Variants in PREX1 observed in about 807,000 individuals in gnomAD.
The protein encoded by PREX1 is phosphatidylinositol-3,4,5-trisphosphate dependent Rac exchange factor 1, also known as phosphatidylinositol 3,4,5-trisphosphate-dependent Rac exchanger 1 protein.
In PREX1, 41 loss-of-function variants were observed where a neutral mutation model predicts 198.3. The ratio of observed to expected loss-of-function variants is 0.21; its 90% confidence interval spans 0.16 to 0.27. PREX1 has a LOEUF of 0.27. Among genes scored for constraint, PREX1 ranks in the 10% least tolerant of loss-of-function variants. The pLI is 1.00. For synonymous variants in PREX1, 843 were observed against 887.2 expected, an observed-to-expected ratio of 0.95 and a Z score of 0.89; for missense variants, 1,620 against 2,200.7, an observed-to-expected ratio of 0.74 and a Z score of 5.28.
intron 14 of PREX1, among the ~76,000 whole-genome samples, chr20:48,675,767 G>C (rs953043487): frequency 3.3e-5 from 5 of 152,166 alleles, no homozygotes; most frequent in Admixed American, 3.3e-4. Context: ...GGCCGGGCGT[G>C]GTGGCTCACA....
chr20:48,682,335 C>T (rs747304737), intron 10 of PREX1, among the ~76,000 whole-genome samples: 3 of 152,226 alleles, frequency 2.0e-5, no homozygotes, highest in Non-Finnish European at 4.4e-5. Context: ...TCCCCGACCC[C>T]TATCCAATCC....
intron 6 of PREX1, among the ~76,000 whole-genome samples, chr20:48,702,568 C>T (rs750666803): frequency 3.3e-5 from 5 of 152,262 alleles, no homozygotes; most frequent in Non-Finnish European, 1.5e-5. Context: ...GGCACATCCT[C>T]GAAAGAAAAT....
intron 1 of PREX1, among the ~76,000 whole-genome samples, chr20:48,759,565 A>AAAAAAAAAAAG: frequency 6.8e-6 from 1 of 146,646 alleles, no homozygotes; most frequent in Non-Finnish European, 1.5e-5. Context: ...AAAAAAAAAA[A>AAAAAAAAAAAG]AAAGAAAAGA....
Position 48,691,310 on chromosome 20 carries a change from A to G in PREX1, c.1037-214T>C, listed in dbSNP as rs565140125. Among the ~76,000 whole-genome samples, 5 of 152,262 alleles carry G rather than the reference A, an allele frequency of 3.3e-5. No homozygotes were observed. In the South Asian group the frequency reaches 8.3e-4, roughly 25 times the overall value. Reference sequence around the variant, plus strand: ...AACAAAGACCCCTCTCAACCACTCAATGACAGGGGGCTTCATTTTAAGACC... The same window carrying G: ...AACAAAGACCCCTCTCAACCACTCAGTGACAGGGGGCTTCATTTTAAGACC... On this transcript the variant is annotated intron_variant, in intron 8 of 39. Coordinates refer to ENST00000371941, the MANE Select transcript of PREX1 (RefSeq NM_020820.4). The surrounding 1 kb of genome is among the most constrained non-coding windows in gnomAD (Gnocchi z 5.0).
At chr20:48,660,155 A>T (rs1325969935) in intron 15 of PREX1, 94 bp from the exon 16 acceptor site, 3 of 1,500,060 alleles carry the variant, frequency 2.0e-6, no homozygotes, top group Non-Finnish European at 2.8e-6. Flanking sequence ...GAACTAGGCC[A>T]TGGACACGTT....
the PREX1 span, among the ~76,000 whole-genome samples, chr20:48,878,634 G>T: frequency 6.6e-6 from 1 of 152,064 alleles, no homozygotes; most frequent in Non-Finnish European, 1.5e-5. Context: ...CACCGCGCCC[G>T]GCCACATTCC....
chr20:48,632,243 A>C (rs2089320207), intron 35 of PREX1, 34 bp downstream of exon 35: 1 of 1,603,150 alleles, frequency 6.2e-7, no homozygotes, highest in East Asian at 2.2e-5. Context: ...AGGTTTCCTG[A>C]CTCCTGCCCC....
At chr20:48,820,152 A>G (rs900766139) in intron 1 of PREX1, among the ~76,000 whole-genome samples, 1 of 152,230 alleles carries the variant, frequency 6.6e-6, no homozygotes, top group Non-Finnish European at 1.5e-5. Flanking sequence ...ACAAAAGAAG[A>G]GCAGACAGAT....
chr20:48,780,049 G>A (rs188992546), intron 1 of PREX1, among the ~76,000 whole-genome samples: 20 of 152,260 alleles, frequency 1.3e-4, no homozygotes, highest in Non-Finnish European at 2.4e-4. Flanking sequence ...ATTTCACACT[G>A]GGTATCAGTA....
At chr20:48,864,605 G>T in the PREX1 span, among the ~76,000 whole-genome samples, 1 of 152,186 alleles carries the variant, frequency 6.6e-6, no homozygotes, top group Non-Finnish European at 1.5e-5. Flanking sequence ...AGTCAGGGGA[G>T]CAAGATTTAA....
chr20:48,747,681 C>A, intron 2 of PREX1, 128 bp downstream of exon 2: 1 of 1,053,078 alleles, frequency 9.5e-7, no homozygotes, highest in Non-Finnish European at 1.4e-6. Flanking sequence ...CAGGGCAAAG[C>A]TGGCGGCCAG....
At chr20:48,710,404 C>A (rs916619123) in intron 5 of PREX1, among the ~76,000 whole-genome samples, 1 of 152,154 alleles carries the variant, frequency 6.6e-6, no homozygotes, top group Non-Finnish European at 1.5e-5. Flanking sequence ...TTACTACTAC[C>A]AACAGTAACA....
chr20:48,696,632 CATACAT>C (rs879691930), intron 7 of PREX1, among the ~76,000 whole-genome samples: 307 of 151,590 alleles, frequency 2.0e-3, no homozygotes, highest in Middle Eastern at 6.8e-3. Flanking sequence ...TACATACATA[CATACAT>C]ACACACATAC....
chr20:48,644,999 G>A (rs916314873), intron 26 of PREX1, among the ~76,000 whole-genome samples: 1 of 152,198 alleles, frequency 6.6e-6, no homozygotes, highest in African/African-American at 2.4e-5. Context: ...AAAAACTGGA[G>A]GACCCAAAAA....
At chr20:48,704,442 G>A (rs2089892235) in intron 6 of PREX1, among the ~76,000 whole-genome samples, 3 of 152,192 alleles carry the variant, frequency 2.0e-5, no homozygotes, top group African/African-American at 7.2e-5. Flanking sequence ...TTGTGGGTGA[G>A]GGCGAGTGAG....
intron 6 of PREX1, among the ~76,000 whole-genome samples, chr20:48,705,950 G>A (rs2089900941): frequency 6.6e-6 from 1 of 152,198 alleles, no homozygotes; most frequent in Admixed American, 6.5e-5. Flanking sequence ...ACAGGGCTGG[G>A]CCTCAAAACC....
At chr20:48,845,961 T>C in the PREX1 span, among the ~76,000 whole-genome samples, 1 of 152,150 alleles carries the variant, frequency 6.6e-6, no homozygotes, top group Admixed American at 6.6e-5. Flanking sequence ...GGCTATTGCA[T>C]GGACGATGGC....
chr20:48,836,859 C>T, the PREX1 span, among the ~76,000 whole-genome samples: 18 of 142,612 alleles, frequency 1.3e-4, no homozygotes, highest in African/African-American at 4.5e-4. Flanking sequence ...AGCGAGATCG[C>T]ACCACTGCAC....
At chr20:48,745,002 AG>A in intron 3 of PREX1, 22 bp downstream of exon 3, 1 of 1,612,046 alleles carries the variant, frequency 6.2e-7, no homozygotes, top group Non-Finnish European at 8.5e-7. Context: ...AGAGTCCACC[AG>A]GGGCAGTGGC....
Sources: gnomAD v4.1 joint callset for allele counts (sites outside exome capture counted in the v4.1 genomes callset) on GRCh38, gnomAD v4.1.1 for gene constraint, Gnocchi (gnomAD v3.1) non-coding constraint, MANE v1.5 for transcripts, NCBI Gene and HGNC (gene_info 2026-07-23, HGNC 2026-07-21) for gene names.